The following RBFOX1 variants were observed in gnomAD, a reference collection of about 807,000 sequenced individuals.
RBFOX1 encodes the protein RNA binding fox-1 homolog 1.
In RBFOX1, 8 loss-of-function variants were observed where a neutral mutation model predicts 57.7. The ratio of observed to expected loss-of-function variants is 0.14; its 90% CI spans 0.08 to 0.25. The LOEUF (loss-of-function observed/expected upper bound fraction) is 0.25. RBFOX1 is among the 10% of genes least tolerant of loss of function. The pLI, the probability that RBFOX1 is intolerant of heterozygous loss-of-function variation, is 1.00. For synonymous variants in RBFOX1, 326 were observed against 222.4 expected, an observed-to-expected ratio of 1.47 and a Z score of -4.15; for missense variants, 611 against 548.5, an observed-to-expected ratio of 1.11 and a Z score of -1.14.
Position 5,832,128 on chromosome 16 carries a change from A to G in RBFOX1, c.319-35175A>G, listed in dbSNP as rs376116045. On this transcript the variant is annotated intron_variant, in intron 3 of 19. Coordinates refer to the RBFOX1 transcript ENST00000641259. ...AGGAGAGAACTGGGAACTGAAACAG[A>G]AGCAGAACTGGCTAAGTAGGAAGCC... Among the ~76,000 whole-genome samples the G allele has an allele frequency of 3.3e-5, 5 of 152,304 alleles. No homozygotes were observed. The East Asian group carries it at 9.7e-4, about 29-fold the overall frequency.
chr16:5,679,725 G>A (rs754475482), intron 3 of RBFOX1, among the ~76,000 whole-genome samples: 10 of 152,086 alleles, frequency 6.6e-5, no homozygotes, highest in Non-Finnish European at 1.5e-4. Flanking sequence ...TAAAATAATG[G>A]GCTTTGGCAA....
At chr16:7,131,414 T>A (rs557553833) in intron 4 of RBFOX1, among the ~76,000 whole-genome samples, 1 of 148,860 alleles carries the variant, frequency 6.7e-6, no homozygotes, top group Non-Finnish European at 1.5e-5. Context: ...TGCCTACTTA[T>A]GTTTTAAGTT....
At chr16:6,285,968 C>A (rs150401376) in intron 1 of RBFOX1, among the ~76,000 whole-genome samples, 2 of 152,206 alleles carry the variant, frequency 1.3e-5, no homozygotes, top group South Asian at 4.2e-4. Context: ...GTCGGCGGAG[C>A]GTTATTTAGT....
chr16:6,116,363 C>G (rs2096495841), intron 1 of RBFOX1, among the ~76,000 whole-genome samples: 1 of 152,128 alleles, frequency 6.6e-6, no homozygotes, highest in African/African-American at 2.4e-5. Flanking sequence ...CATGTGTATA[C>G]CTTTCTGACA....
intron 5 of RBFOX1, among the ~76,000 whole-genome samples, chr16:7,578,876 C>T (rs1242686551): frequency 6.6e-6 from 1 of 152,110 alleles, no homozygotes; most frequent in East Asian, 1.9e-4. Flanking sequence ...TGACTTTTCC[C>T]CTCGTTCCTG....
At chr16:7,608,272 T>C (rs1188894655) in intron 10 of RBFOX1, among the ~76,000 whole-genome samples, 2 of 152,222 alleles carry the variant, frequency 1.3e-5, no homozygotes, top group African/African-American at 2.4e-5. Flanking sequence ...ATTTTCCTAA[T>C]ACTGAACACT....
At chr16:7,585,832 A>G (rs2094087369) in intron 6 of RBFOX1, among the ~76,000 whole-genome samples, 2 of 152,054 alleles carry the variant, frequency 1.3e-5, no homozygotes, top group East Asian at 3.9e-4. Context: ...GTGTCTCTGG[A>G]TACTCTATGA....
chr16:5,969,337 AGTCTCTCACT>A (rs1482326677), intron 4 of RBFOX1, among the ~76,000 whole-genome samples: 1 of 107,662 alleles, frequency 9.3e-6, no homozygotes, highest in South Asian at 3.2e-4. Context: ...TTGGAAATGG[AGTCTCTCACT>A]GTCACCCGGG....
At chr16:6,150,331 C>G (rs2096788914) in intron 1 of RBFOX1, among the ~76,000 whole-genome samples, 6 of 152,094 alleles carry the variant, frequency 3.9e-5, no homozygotes, top group African/African-American at 1.4e-4. Flanking sequence ...TTGATTAACA[C>G]TTAAAGGGCC....
chr16:7,070,163 A>C (rs2081313134), intron 4 of RBFOX1, among the ~76,000 whole-genome samples: 1 of 152,146 alleles, frequency 6.6e-6, no homozygotes, highest in South Asian at 2.1e-4. Context: ...AAAGTTAAAA[A>C]ACTTGAGTTT....
chr16:7,576,430 C>T (rs906732182), intron 5 of RBFOX1, among the ~76,000 whole-genome samples: 2 of 152,150 alleles, frequency 1.3e-5, no homozygotes, highest in African/African-American at 4.8e-5. Flanking sequence ...ACCTCTACTT[C>T]CTAACACTCT....
At position 6,513,235 on chromosome 16, in the gene RBFOX1, A is replaced by G. The variant is rs186277278; in HGVS notation, c.-63-141368A>G. ...GGGCTTAGGTAAGAGTAAATGAGTTAGTGAATGCTGGGCACTTAGCACAGT... is the reference window on the plus strand; with the variant it reads ...GGGCTTAGGTAAGAGTAAATGAGTTGGTGAATGCTGGGCACTTAGCACAGT... On this transcript the variant is annotated intron_variant, in intron 2 of 15. Transcript: ENST00000550418. Among the ~76,000 whole-genome samples the G allele has an allele frequency of 4.6e-5, 7 of 152,326 alleles. No individual in the cohort carries two copies. In the East Asian group the frequency reaches 1.4e-3, roughly 29 times the overall value.
chr16:5,501,943 G>C (rs184529667), intron 2 of RBFOX1, among the ~76,000 whole-genome samples: 4 of 151,638 alleles, frequency 2.6e-5, no homozygotes, highest in African/African-American at 9.7e-5. Flanking sequence ...AGCTGGTCTC[G>C]AACTCCTGGC....
intron 4 of RBFOX1, among the ~76,000 whole-genome samples, chr16:7,284,543 T>C (rs1242144210): frequency 6.6e-6 from 1 of 151,968 alleles, no homozygotes; most frequent in African/African-American, 2.4e-5. Flanking sequence ...ATTGTCCAGA[T>C]TGATCTCGAT....
At chr16:7,232,532 G>C (rs9934410) in intron 4 of RBFOX1, among the ~76,000 whole-genome samples, 1 of 151,906 alleles carries the variant, frequency 6.6e-6, no homozygotes, top group Admixed American at 6.6e-5. Flanking sequence ...CTTATTTAAT[G>C]GTGTTCTTTT....
At chr16:7,575,697 C>T (rs1444347201) in intron 5 of RBFOX1, among the ~76,000 whole-genome samples, 1 of 152,202 alleles carries the variant, frequency 6.6e-6, no homozygotes, top group African/African-American at 2.4e-5. Context: ...TTTAAGCCGC[C>T]AGCTTTATGG....
chr16:6,719,913 T>C (rs967026005), intron 3 of RBFOX1, among the ~76,000 whole-genome samples: 1 of 151,460 alleles, frequency 6.6e-6, no homozygotes, highest in African/African-American at 2.4e-5. Context: ...GCCATCATGG[T>C]GAAAACCCAT....
chr16:6,841,876 C>T (rs376662767), intron 3 of RBFOX1, among the ~76,000 whole-genome samples: 49 of 152,140 alleles, frequency 3.2e-4, no homozygotes, highest in African/African-American at 7.2e-4. Flanking sequence ...CGGTGGCTCA[C>T]GCCTGTAATC....
chr16:5,357,414 T>C (rs1011591157), intron 1 of RBFOX1, among the ~76,000 whole-genome samples: 6 of 152,212 alleles, frequency 3.9e-5, no homozygotes, highest in South Asian at 2.1e-4. Flanking sequence ...GGTTTCTGCA[T>C]TGTTCACAAG....
Sources: allele counts gnomAD v4.1 joint callset (sites outside exome capture counted in the v4.1 genomes callset), GRCh38; gene constraint gnomAD v4.1.1; transcripts MANE v1.5; gene names NCBI Gene and HGNC (gene_info 2026-07-23, HGNC 2026-07-21).